Variants in RTL4 observed in about 807,000 individuals in gnomAD.
The protein encoded by RTL4 is retrotransposon Gag like 4.
RTL4 carries 4 observed loss-of-function variants against 5.3 expected under a neutral mutation model. That is an observed-to-expected ratio of 0.75 (90% confidence interval 0.37 to 1.72). RTL4 has a LOEUF of 1.72. RTL4 is among the 40% of genes most tolerant of loss of function. The probability of loss-of-function intolerance (pLI) is 0.04; values close to 1 mark genes in which losing one functional copy is unlikely to be tolerated. For synonymous variants in RTL4, 98 were observed against 87.3 expected, an observed-to-expected ratio of 1.12 and a Z score of -0.68; for missense variants, 260 against 227.1, an observed-to-expected ratio of 1.14 and a Z score of -0.93.
At chrX:112,120,787 G>A in the RTL4 span, among the ~76,000 whole-genome samples, 2 of 111,391 alleles carry the variant, frequency 1.8e-5, no homozygotes, top group South Asian at 7.6e-4. Flanking sequence ...TTTTCCTGCC[G>A]CATAAAGACA....
the RTL4 span, among the ~76,000 whole-genome samples, chrX:112,254,488 C>A: frequency 1.8e-5 from 2 of 110,595 alleles, no homozygotes; most frequent in Admixed American, 9.7e-5. Context: ...CGCCACTACG[C>A]CCAGCTAACT....
the RTL4 span, among the ~76,000 whole-genome samples, chrX:112,151,536 G>A: frequency 3.6e-5 from 4 of 111,738 alleles, no homozygotes; most frequent in African/African-American, 1.3e-4. Flanking sequence ...AAAAACATTT[G>A]TGCTACTCCT....
exon 1 of RTL4, chrX:112,454,730 T>G: frequency 8.5e-7 from 1 of 1,180,380 alleles, no homozygotes; most frequent in Non-Finnish European, 1.1e-6. Flanking sequence ...GGAGACATAA[T>G]GGAGAAGTGC....
At chrX:112,184,351 TA>T in the RTL4 span, among the ~76,000 whole-genome samples, 68 of 110,443 alleles carry the variant, frequency 6.2e-4, no homozygotes, top group East Asian at 0.015. Context: ...TAAAGTATAA[TA>T]AAAAAAATTA....
At chrX:112,385,221 A>T in the RTL4 span, among the ~76,000 whole-genome samples, 53 of 109,347 alleles carry the variant, frequency 4.8e-4, no homozygotes, top group African/African-American at 1.7e-3. Flanking sequence ...CTGGTCTATA[A>T]TTTTTTTTTC....
At chrX:112,173,542 C>A in the RTL4 span, among the ~76,000 whole-genome samples, 3 of 111,443 alleles carry the variant, frequency 2.7e-5, no homozygotes, top group African/African-American at 9.8e-5. Context: ...GGAATAAACA[C>A]CCTACTCTTG....
At chrX:112,161,889 T>TTTCTTCTTTCTTTC in the RTL4 span, among the ~76,000 whole-genome samples, 4 of 85,142 alleles carry the variant, frequency 4.7e-5, no homozygotes, top group African/African-American at 8.9e-5. Flanking sequence ...TTCTTCTTTC[T>TTTCTTCTTTCTTTC]TTCTTCTTTT....
chrX:112,334,752 T>C, the RTL4 span, among the ~76,000 whole-genome samples: 1 of 112,072 alleles, frequency 8.9e-6, no homozygotes, highest in Non-Finnish European at 1.9e-5. Context: ...GTCTTATGTC[T>C]TTTTAATTTC....
the RTL4 span, among the ~76,000 whole-genome samples, chrX:112,352,301 G>A: frequency 2.7e-5 from 3 of 110,490 alleles, no homozygotes; most frequent in Admixed American, 9.7e-5. Context: ...AGCTACCAAC[G>A]ACTTTCTTCA....
the RTL4 span, among the ~76,000 whole-genome samples, chrX:112,346,434 T>C: frequency 9.0e-6 from 1 of 111,593 alleles, no homozygotes; most frequent in Non-Finnish European, 1.9e-5. Flanking sequence ...AAGGAAAATC[T>C]TATCAATGGA....
chrX:112,337,263 A>G, the RTL4 span, among the ~76,000 whole-genome samples: 1 of 112,174 alleles, frequency 8.9e-6, no homozygotes, highest in African/African-American at 3.2e-5. Context: ...AATTGGAAAG[A>G]TAGAAAATAA....
At chrX:112,142,763 C>T in the RTL4 span, among the ~76,000 whole-genome samples, 1 of 112,055 alleles carries the variant, frequency 8.9e-6, no homozygotes, top group Non-Finnish European at 1.9e-5. Context: ...GAATGGTAGG[C>T]TATTTCATCT....
chrX:112,440,789 G>A, the RTL4 span, among the ~76,000 whole-genome samples: 35 of 111,818 alleles, frequency 3.1e-4, no homozygotes, highest in African/African-American at 1.1e-3. Flanking sequence ...TAATATGAGT[G>A]GTGACAGGCA....
chrX:112,313,875 A>G, the RTL4 span, among the ~76,000 whole-genome samples: 29 of 111,026 alleles, frequency 2.6e-4, no homozygotes, highest in East Asian at 6.8e-3. Context: ...AAAGGCAAAG[A>G]GGCTGAGGAG....
the RTL4 span, among the ~76,000 whole-genome samples, chrX:112,307,319 C>T: frequency 8.9e-6 from 1 of 111,753 alleles, no homozygotes; most frequent in African/African-American, 3.3e-5. Context: ...GTTAACTTGT[C>T]CAAGTCACCT....
the RTL4 span, among the ~76,000 whole-genome samples, chrX:112,256,999 GT>G: frequency 9.0e-6 from 1 of 111,091 alleles, no homozygotes; most frequent in Non-Finnish European, 1.9e-5. Context: ...TCATCATCTT[GT>G]TTAATTGTGT....
chrX:112,088,600 G>A, the RTL4 span, among the ~76,000 whole-genome samples: 1 of 111,995 alleles, frequency 8.9e-6, no homozygotes, highest in Non-Finnish European at 1.9e-5. Flanking sequence ...GGATTATGTG[G>A]TAATTCTATA....
At chrX:112,178,816 A>C in the RTL4 span, among the ~76,000 whole-genome samples, 1 of 111,239 alleles carries the variant, frequency 9.0e-6, no homozygotes, top group Non-Finnish European at 1.9e-5. Flanking sequence ...TGCTCATTCT[A>C]TCTCTCCCCT....
chrX:112,453,428 C>G (rs747922030), upstream of RTL4, among the ~76,000 whole-genome samples: 96 of 112,297 alleles, frequency 8.5e-4, no homozygotes, highest in African/African-American at 2.9e-3. Flanking sequence ...GCTGGAAAGA[C>G]TGCTGAACAT....
Sources: gnomAD v4.1 joint callset for allele counts (sites outside exome capture counted in the v4.1 genomes callset) on GRCh38, gnomAD v4.1.1 for gene constraint, MANE v1.5 for transcripts, NCBI Gene and HGNC (gene_info 2026-07-23, HGNC 2026-07-21) for gene names.